The following TMEM14B variants were observed in gnomAD, a reference collection of about 807,000 sequenced individuals.
The protein encoded by TMEM14B is transmembrane protein 14B.
In TMEM14B, 9 loss-of-function variants were observed where a neutral mutation model predicts 14.8. The observed-to-expected ratio is 0.61, with a 90% CI of 0.37 to 1.06. TMEM14B has a LOEUF of 1.06. TMEM14B is among the 50% of genes least tolerant of loss of function. TMEM14B has a pLI of 0.01. For synonymous variants in TMEM14B, 40 were observed against 51.3 expected, an observed-to-expected ratio of 0.78 and a Z score of 0.94; for missense variants, 128 against 143.6, an observed-to-expected ratio of 0.89 and a Z score of 0.56.
intron 4 of TMEM14B, among the ~76,000 whole-genome samples, chr6:10,751,590 A>G (rs766581598): frequency 5.9e-5 from 9 of 152,012 alleles, no homozygotes; most frequent in Non-Finnish European, 1.3e-4. Context: ...TTAAACTTGT[A>G]TAAGACAAAT....
intron 5 of TMEM14B, among the ~76,000 whole-genome samples, chr6:10,756,213 T>G (rs967737452): frequency 5.9e-5 from 9 of 152,208 alleles, no homozygotes; most frequent in African/African-American, 2.2e-4. Flanking sequence ...CTCCATTTCT[T>G]CATCTCTTCA....
chr6:10,757,626 C>T, downstream of TMEM14B, among the ~76,000 whole-genome samples: 1 of 152,162 alleles, frequency 6.6e-6, no homozygotes, highest in East Asian at 1.9e-4. Flanking sequence ...TTTTAGTTCA[C>T]TTTATTCATG....
At chr6:10,755,327 C>T in intron 5 of TMEM14B, 95 bp downstream of exon 5, 1 of 1,589,144 alleles carries the variant, frequency 6.3e-7, no homozygotes, top group East Asian at 2.2e-5. Flanking sequence ...TTCAGAGTAT[C>T]TGATGCTATG....
chr6:10,750,333 GAGT>G (rs527761346), intron 3 of TMEM14B, among the ~76,000 whole-genome samples: 158 of 150,314 alleles, frequency 1.1e-3, no homozygotes, highest in Middle Eastern at 3.4e-3. Flanking sequence ...GACGAATTAA[GAGT>G]CTGTTTATTT....
At position 10,751,193 on chromosome 6, in the gene TMEM14B, A is replaced by T. The variant is rs1193061675; in HGVS notation, c.161A>T (p.Tyr54Phe). 1.9e-6 allele frequency: 3 copies of T among 1,613,960 alleles called. No individual in the cohort carries two copies. Among genetic ancestry groups the T allele is most frequent in the Non-Finnish European group, 2.5e-6 (3 of 1,180,014 alleles). ...LFGSLAGLGA[Y>F]QLYQDPRNVW... ...GGCAGTCTAGCCGGCCTGGGTGCTT[A>T]CCAGCTGTATCAGGATCCAAGGAAC... Residue 54 changes from tyrosine (Y) to phenylalanine (F), a missense_variant, in exon 4 of 6, where the codon TAC becomes TTC. Physicochemically the swap from Tyr to Phe is conservative, Grantham distance 22. Transcript: ENST00000379542.
downstream of TMEM14B, chr6:10,759,747 C>G (rs1017349651): frequency 6.6e-6 from 1 of 152,146 alleles, no homozygotes; most frequent in African/African-American, 2.4e-5. Context: ...TGTGACTGTT[C>G]CAATAAAACT....
intron 4 of TMEM14B, 29 bp downstream of exon 4, chr6:10,751,263 C>T (rs1453857450): frequency 6.2e-7 from 1 of 1,610,424 alleles, no homozygotes. Context: ...CTCCTTAGGG[C>T]AATCATGTAT....
At chr6:10,748,074 T>A (rs1771398809) in intron 1 of TMEM14B, among the ~76,000 whole-genome samples, 193 bp downstream of exon 1, 1 of 152,158 alleles carries the variant, frequency 6.6e-6, no homozygotes, top group South Asian at 2.1e-4. Flanking sequence ...TCGGAGCACC[T>A]GAGCTCCTGA....
rs777192017 is a variant in TMEM14B, at chr6:10,749,270, T to G, written c.23+2T>G. 3.7e-6 allele frequency: 6 copies of G among 1,614,154 alleles called. No homozygotes were observed. The South Asian group carries it at 6.6e-5, about 18-fold the overall frequency. On this transcript the variant is annotated splice_donor_variant, in intron 2 of 5. Transcript: ENST00000379542. LOFTEE classifies it high-confidence loss of function. Reference sequence around the variant, plus strand: ...AATGGAGAAGCCCCTCTTCCCATTGTGAGTAGACAGTAAATGGTTAGAGAG... The same window carrying G: ...AATGGAGAAGCCCCTCTTCCCATTGGGAGTAGACAGTAAATGGTTAGAGAG...
intron 3 of TMEM14B, 45 bp downstream of exon 3, chr6:10,749,743 TC>T (rs1771475684): frequency 1.2e-6 from 2 of 1,607,960 alleles, no homozygotes; most frequent in African/African-American, 2.7e-5. Context: ...TTCACGTTGT[TC>T]CAGTGAAATG....
intron 5 of TMEM14B, 74 bp from the exon 6 acceptor site, chr6:10,756,393 G>T: frequency 2.6e-6 from 4 of 1,558,300 alleles, no homozygotes; most frequent in Non-Finnish European, 3.5e-6. Context: ...AACCTGCAGA[G>T]TTTAGTTCCT....
rs559938785 is a variant in TMEM14B, at chr6:10,749,372, G to A, written c.23+104G>A. The A allele has an allele frequency of 1.1e-5, 16 of 1,424,218 alleles. No homozygotes were observed. The East Asian group carries it at 1.6e-4, about 14-fold the overall frequency. The allele number at this position is 1,424,218 out of a possible 1,614,324, so 88.2% of individuals were successfully genotyped here. On this transcript the variant is annotated intron_variant, in intron 2 of 5. Coordinates refer to ENST00000379542, the MANE Select transcript of TMEM14B (RefSeq NM_030969.5). ...CTAAGAGTAGACTGCCTGGGATGGC[G>A]TGCGGGATGGGAGGATCACTGGACC...
At chr6:10,751,316 A>G (rs1771556765) in intron 4 of TMEM14B, 82 bp downstream of exon 4, 1 of 1,500,258 alleles carries the variant, frequency 6.7e-7, no homozygotes, top group Non-Finnish European at 9.2e-7. Context: ...GGTGGGATGG[A>G]GCGAGTTCTT....
At position 10,751,248 on chromosome 6, in the gene TMEM14B, A is replaced by G; in HGVS notation, c.202+14A>G. ...GGGGTTTCCTAGGTATGTCTGCTTCAGCGTCTCCTTAGGGCAATCATGTAT... is the reference window on the plus strand; with the variant it reads ...GGGGTTTCCTAGGTATGTCTGCTTCGGCGTCTCCTTAGGGCAATCATGTAT... On this transcript the variant is annotated intron_variant, in intron 4 of 5. Coordinates refer to ENST00000379542, the MANE Select transcript of TMEM14B (RefSeq NM_030969.5). 2 of 1,613,400 alleles carry G rather than the reference A, an allele frequency of 1.2e-6. No individual in the cohort carries two copies. The highest frequency in any genetic ancestry group is 1.7e-6 in the Non-Finnish European group (2 of 1,179,688).
At chr6:10,751,344 A>G in intron 4 of TMEM14B, 110 bp downstream of exon 4, 1 of 1,215,960 alleles carries the variant, frequency 8.2e-7, no homozygotes, top group Non-Finnish European at 1.2e-6. Context: ...AATTTACGAC[A>G]GTTTCACTGC....
chr6:10,748,121 T>C (rs1398794342), intron 1 of TMEM14B, among the ~76,000 whole-genome samples: 1 of 152,196 alleles, frequency 6.6e-6, no homozygotes, highest in African/African-American at 2.4e-5. Context: ...TGTTGCCTCG[T>C]TTCCTGGTGG....
At chr6:10,753,135 T>C (rs1404729745) in intron 4 of TMEM14B, among the ~76,000 whole-genome samples, 1 of 151,736 alleles carries the variant, frequency 6.6e-6, no homozygotes, top group African/African-American at 2.4e-5. Context: ...ACTCAGGAGG[T>C]TGAGGCAGGA....
In TMEM14B at chr6:10,749,257, C is replaced by T. The variant is rs1207998836; in HGVS notation, c.12C>T (p.Pro4=). The change falls in exon 2 of 6, where the codon CCC becomes CCT. Residue 4 remains proline (P), a synonymous_variant. Transcript: ENST00000379542. The part of the protein sequence containing the change: MEK[P]LFPLVPLHWF... ...CTGAGAAGAGAAGAATGGAGAAGCC[C>T]CTCTTCCCATTGTGAGTAGACAGTA... 1.1e-5 allele frequency: 18 copies of T among 1,614,098 alleles called. No homozygotes were observed. The highest frequency in any genetic ancestry group is 1.4e-5 in the Non-Finnish European group (17 of 1,179,996).
intron 3 of TMEM14B, among the ~76,000 whole-genome samples, chr6:10,750,616 A>G (rs1390200957): frequency 6.6e-6 from 1 of 152,038 alleles, no homozygotes; most frequent in African/African-American, 2.4e-5. Context: ...AACTGCGGAT[A>G]TAGCTCGCCA....
Sources: allele counts gnomAD v4.1 joint callset (sites outside exome capture counted in the v4.1 genomes callset), GRCh38; gene constraint gnomAD v4.1.1; transcripts MANE v1.5; gene names NCBI Gene and HGNC (gene_info 2026-07-23, HGNC 2026-07-21).